FAM178B: variants seen among roughly 807,000 people sequenced by gnomAD.
FAM178B encodes the protein family with sequence similarity 178 member B, also known as protein FAM178B.
A neutral mutation model predicts 91.7 loss-of-function variants in FAM178B; 82 were observed. The observed-to-expected ratio is 0.89, with a 90% CI of 0.75 to 1.07. The LOEUF is 1.07. Ranked by LOEUF, FAM178B falls within the 50% of genes least tolerant of loss-of-function variation. The pLI is 0.00. For missense variants in FAM178B, 769 were observed against 846.7 expected, an observed-to-expected ratio of 0.91 and a Z score of 1.14; for synonymous variants, 368 against 359.4, an observed-to-expected ratio of 1.02 and a Z score of -0.27.
chr2:96,932,941 C>CAAAAA (rs35133795), intron 8 of FAM178B, among the ~76,000 whole-genome samples: 9 of 33,802 alleles, frequency 2.7e-4, no homozygotes, highest in Admixed American at 3.8e-4. Flanking sequence ...CTCCGTCTCA[C>CAAAAA]AAAAAAAAAA....
At position 96,896,732 on chromosome 2, in the gene FAM178B, G is replaced by A. The variant is rs1574209458; in HGVS notation, c.1651-2681C>T. ...TCTTAAGTGTCTGCAAAGACCCAAC[G>A]ACCTGCCTGCTGCTTCCTGGAGCTG... On this transcript the variant is annotated intron_variant, in intron 13 of 16. Transcript: ENST00000490605. Among the ~76,000 whole-genome samples, 4 of 152,248 alleles carry A rather than the reference G, an allele frequency of 2.6e-5. No individual in the cohort carries two copies. In the East Asian group the frequency reaches 5.8e-4, roughly 22 times the overall value.
intron 4 of FAM178B, among the ~76,000 whole-genome samples, chr2:96,967,895 G>C: frequency 1.1e-5 from 1 of 88,062 alleles, no homozygotes; most frequent in East Asian, 2.8e-4. Flanking sequence ...ATCTTTACTT[G>C]TGTACCCTGT....
Position 96,929,188 on chromosome 2 carries a change from G to T in FAM178B, c.1193+18C>A, listed in dbSNP as rs1454003988. ...AAAATATGAAAGAAAAAGGCAGTGA[G>T]GAAGCAGAAGTACTCACCTGCCACC... is the stretch of plus-strand genomic sequence containing the variant. On this transcript the variant is annotated intron_variant, in intron 9 of 16. Transcript: ENST00000490605. 2 of 1,485,236 alleles carry T rather than the reference G, an allele frequency of 1.3e-6. No individual in the cohort carries two copies. The highest frequency in any genetic ancestry group is 2.4e-5 in the South Asian group (2 of 82,708). The allele number at this position is 1,485,236 out of a possible 1,614,324, so 92.0% of individuals were successfully genotyped here.
chr2:96,917,665 G>GCACAA (rs2081264344), intron 12 of FAM178B, among the ~76,000 whole-genome samples: 1 of 152,170 alleles, frequency 6.6e-6, no homozygotes, highest in African/African-American at 2.4e-5. Context: ...AGATCGGCCT[G>GCACAA]CACAACATAG....
chr2:96,941,041 A>G (rs1287769207), intron 8 of FAM178B, among the ~76,000 whole-genome samples: 1 of 152,204 alleles, frequency 6.6e-6, no homozygotes, highest in East Asian at 1.9e-4. Flanking sequence ...GTAATTTCAG[A>G]TGGATACTAA....
intron 12 of FAM178B, among the ~76,000 whole-genome samples, chr2:96,915,794 C>A (rs377205796): frequency 6.2e-5 from 9 of 144,288 alleles, no homozygotes; most frequent in East Asian, 4.0e-4. Context: ...CCAGCCTGGG[C>A]GACAGAGTGG....
At chr2:96,935,210 C>T (rs572643028) in intron 8 of FAM178B, among the ~76,000 whole-genome samples, 2 of 152,258 alleles carry the variant, frequency 1.3e-5, no homozygotes, top group South Asian at 2.1e-4. Context: ...AAAACCCACC[C>T]GGCCTTCAAA....
chr2:96,927,318 C>T (rs1179460853), intron 9 of FAM178B, among the ~76,000 whole-genome samples: 1 of 152,224 alleles, frequency 6.6e-6, no homozygotes, highest in African/African-American at 2.4e-5. Context: ...CGGTGGTCCC[C>T]AGCCTGCTCC....
Position 96,929,191 on chromosome 2 carries a change from A to G in FAM178B, c.1193+15T>C, listed in dbSNP as rs1174324961. The G allele has an allele frequency of 6.7e-7, 1 of 1,500,242 alleles. No individual in the cohort carries two copies. Among genetic ancestry groups the G allele is most frequent in the East Asian group, 2.5e-5 (1 of 40,656 alleles). 92.9% of individuals were successfully genotyped at this position (1,500,242 alleles called of 1,614,324 possible). On this transcript the variant is annotated intron_variant, in intron 9 of 16. Transcript: ENST00000490605. ...ATATGAAAGAAAAAGGCAGTGAGGA[A>G]GCAGAAGTACTCACCTGCCACCGTG...
intron 5 of FAM178B, among the ~76,000 whole-genome samples, chr2:96,962,707 C>G (rs2082098304): frequency 6.6e-6 from 1 of 152,154 alleles, no homozygotes; most frequent in African/African-American, 2.4e-5. Flanking sequence ...GGTCTTTTAA[C>G]TTTAAGAAAT....
chr2:96,946,604 T>C (rs1029520672), intron 8 of FAM178B, among the ~76,000 whole-genome samples: 2 of 152,248 alleles, frequency 1.3e-5, no homozygotes, highest in Non-Finnish European at 2.9e-5. Context: ...CAAGAGCTTG[T>C]TTCTGATCCT....
At chr2:96,904,096 TCTA>T (rs1322769933) in intron 12 of FAM178B, among the ~76,000 whole-genome samples, 2 of 151,950 alleles carry the variant, frequency 1.3e-5, no homozygotes, top group Non-Finnish European at 2.9e-5. Flanking sequence ...ACTGGCAAGA[TCTA>T]CTAAAGATGT....
intron 16 of FAM178B, among the ~76,000 whole-genome samples, chr2:96,877,425 TG>T (rs1355875340): frequency 6.7e-6 from 1 of 150,356 alleles, no homozygotes; most frequent in Admixed American, 6.6e-5. Context: ...TTTTTTGAGA[TG>T]GAGTCTTGCC....
intron 13 of FAM178B, among the ~76,000 whole-genome samples, chr2:96,898,730 A>G (rs1462696808): frequency 1.3e-5 from 2 of 152,196 alleles, no homozygotes; most frequent in Non-Finnish European, 2.9e-5. Context: ...TATGGATGAC[A>G]GTAAGTCTGA....
chr2:96,949,036 A>G (rs931722328), intron 7 of FAM178B, among the ~76,000 whole-genome samples: 1 of 152,034 alleles, frequency 6.6e-6, no homozygotes, highest in African/African-American at 2.4e-5. Flanking sequence ...CAACATTTTC[A>G]TGGCTGAACA....
At chr2:96,931,504 CT>C (rs1348087825) in intron 8 of FAM178B, among the ~76,000 whole-genome samples, 1 of 152,164 alleles carries the variant, frequency 6.6e-6, no homozygotes, top group Non-Finnish European at 1.5e-5. Context: ...GGGAATGTCT[CT>C]TTTCTGACAC....
At chr2:96,937,693 C>A (rs2081655277) in intron 8 of FAM178B, among the ~76,000 whole-genome samples, 1 of 152,178 alleles carries the variant, frequency 6.6e-6, no homozygotes, top group African/African-American at 2.4e-5. Context: ...ACTGGGGGAG[C>A]TGCAGCCATC....
intron 12 of FAM178B, among the ~76,000 whole-genome samples, chr2:96,910,336 G>T (rs969406962): frequency 6.6e-5 from 10 of 152,166 alleles, no homozygotes; most frequent in Admixed American, 5.9e-4. Context: ...CCACCGGGGA[G>T]ACGGCCTCCT....
intron 1 of FAM178B, among the ~76,000 whole-genome samples, chr2:96,982,307 C>T (rs1445848644): frequency 6.6e-6 from 1 of 151,938 alleles, no homozygotes; most frequent in Non-Finnish European, 1.5e-5. Flanking sequence ...CTGTGTCACC[C>T]AGGCTGGAGT....
Sources: allele counts gnomAD v4.1 joint callset (sites outside exome capture counted in the v4.1 genomes callset), GRCh38; gene constraint gnomAD v4.1.1; transcripts MANE v1.5; gene names NCBI Gene and HGNC (gene_info 2026-07-23, HGNC 2026-07-21).